Variants in HECW1 observed in about 807,000 individuals in gnomAD.
HECW1 encodes HECT, C2 and WW domain containing E3 ubiquitin protein ligase 1.
HECW1 carries 61 observed loss-of-function variants against 182.3 expected under a neutral mutation model. The ratio of observed to expected loss-of-function variants is 0.33; its 90% CI spans 0.27 to 0.41. The LOEUF is 0.41. Ranked by LOEUF, HECW1 falls within the 10% of genes least tolerant of loss-of-function variation. HECW1 has a pLI of 1.00. For synonymous variants in HECW1, 859 were observed against 832.6 expected (o/e 1.03, Z -0.55); for missense variants, 1,739 against 2,108.9 (o/e 0.82, Z 3.44).
intron 6 of HECW1, among the ~76,000 whole-genome samples, chr7:43,364,048 A>G (rs936791892): frequency 1.3e-5 from 2 of 152,184 alleles, no homozygotes; most frequent in Non-Finnish European, 2.9e-5. Context: ...TTCTAGGTTG[A>G]GGATTGCTGC....
At chr7:43,242,909 G>A (rs1799020384) in intron 2 of HECW1, among the ~76,000 whole-genome samples, 1 of 152,166 alleles carries the variant, frequency 6.6e-6, no homozygotes, top group Non-Finnish European at 1.5e-5. Context: ...CAGGATCTCA[G>A]TACGTAGATG....
At chr7:43,205,527 C>G (rs1795389180) in intron 2 of HECW1, among the ~76,000 whole-genome samples, 1 of 152,094 alleles carries the variant, frequency 6.6e-6, no homozygotes, top group Non-Finnish European at 1.5e-5. Flanking sequence ...TCTTCTAGGC[C>G]AAGGTCAAGG....
rs191694927 is a variant in HECW1 at position 43,326,872 on chromosome 7, G to A, written c.460+6130G>A. Among the ~76,000 whole-genome samples, 15 of 152,326 alleles carry A rather than the reference G, an allele frequency of 9.8e-5. No homozygotes were observed. The East Asian group carries it at 1.2e-3, about 12-fold the overall frequency. On this transcript the variant is annotated intron_variant, in intron 5 of 29. Transcript: ENST00000395891. ...ATTCAGAGCAATGTTTCCCTGCGGC[G>A]AAGCAGCCAGAGCCAGAACAAGCTC...
chr7:43,410,328 C>T (rs1006367365), intron 8 of HECW1, among the ~76,000 whole-genome samples: 7 of 152,118 alleles, frequency 4.6e-5, no homozygotes, highest in East Asian at 1.9e-4. Context: ...TCCATCCACA[C>T]GTTAGAAAGA....
At chr7:43,231,659 C>T (rs1393044481) in intron 2 of HECW1, among the ~76,000 whole-genome samples, 2 of 152,048 alleles carry the variant, frequency 1.3e-5, no homozygotes, top group Non-Finnish European at 2.9e-5. Flanking sequence ...CCTCAGCTGT[C>T]GTCAGCAGGA....
chr7:43,554,502 C>T, intron 28 of HECW1, 90 bp from the exon 29 acceptor site: 1 of 1,149,810 alleles, frequency 8.7e-7, no homozygotes. Context: ...CCGTTCCTAT[C>T]ATACCTGATG....
intron 2 of HECW1, among the ~76,000 whole-genome samples, chr7:43,165,653 T>C (rs1301777404): frequency 1.3e-5 from 2 of 152,210 alleles, no homozygotes; most frequent in Non-Finnish European, 2.9e-5. Context: ...TATCCATACA[T>C]AGGCGTTGTG....
At chr7:43,312,879 A>G (rs929694089) in intron 4 of HECW1, among the ~76,000 whole-genome samples, 1 of 152,254 alleles carries the variant, frequency 6.6e-6, no homozygotes, top group Non-Finnish European at 1.5e-5. Flanking sequence ...AAGTCGAGTT[A>G]TAATTGCTGG....
chr7:43,467,360 A>T (rs7779437), intron 15 of HECW1, among the ~76,000 whole-genome samples: 1 of 151,806 alleles, frequency 6.6e-6, no homozygotes, highest in South Asian at 2.1e-4. Flanking sequence ...GCAGAGGGAC[A>T]TCTGTAGAAA....
chr7:43,295,657 C>T (rs1427546126), intron 3 of HECW1, among the ~76,000 whole-genome samples: 1 of 152,098 alleles, frequency 6.6e-6, no homozygotes, highest in East Asian at 1.9e-4. Context: ...GGGCTGGTGG[C>T]GGCAGTGGAA....
At position 43,250,737 on chromosome 7, in the gene HECW1, G is replaced by A. The variant is rs142191392; in HGVS notation, c.27+6805G>A. 9.2e-3 allele frequency among the ~76,000 whole-genome samples: 1,407 copies of A among 152,156 alleles called. 23 individuals are homozygous for A. Among genetic ancestry groups the A allele is most frequent in the African/African-American group, 0.032 (1,331 of 41,496 alleles). Reference sequence around the variant, plus strand: ...TGCAAGTTTATTTTATTTGGCTGCCGGTGCTTTTTGATTTTTTAGGTTTGA... The same window carrying A: ...TGCAAGTTTATTTTATTTGGCTGCCAGTGCTTTTTGATTTTTTAGGTTTGA... On this transcript the variant is annotated intron_variant, in intron 3 of 29. Coordinates refer to ENST00000395891, the MANE Select transcript of HECW1 (RefSeq NM_015052.5).
chr7:43,394,021 G>A (rs535953107), intron 6 of HECW1, among the ~76,000 whole-genome samples: 2 of 152,118 alleles, frequency 1.3e-5, no homozygotes, highest in East Asian at 3.9e-4. Flanking sequence ...ATTTGGGGTG[G>A]ACATTTTTAA....
intron 2 of HECW1, among the ~76,000 whole-genome samples, chr7:43,127,706 C>T (rs377332424): frequency 6.6e-6 from 1 of 152,022 alleles, no homozygotes; most frequent in East Asian, 1.9e-4. Flanking sequence ...GAGCAAGCTG[C>T]AGAAGAAAAG....
At chr7:43,312,192 A>T in intron 4 of HECW1, 105 bp downstream of exon 4, 1 of 1,054,218 alleles carries the variant, frequency 9.5e-7, no homozygotes, top group East Asian at 2.6e-5. Context: ...CAACTGTGTT[A>T]TATGCCAGAT....
At chr7:43,547,382 A>G (rs2081604681) in intron 26 of HECW1, among the ~76,000 whole-genome samples, 1 of 151,872 alleles carries the variant, frequency 6.6e-6, no homozygotes, top group Non-Finnish European at 1.5e-5. Context: ...CCCCATCTCT[A>G]CTAAAAATAC....
Position 43,239,442 on chromosome 7 carries a change from G to A in HECW1, c.-31-4433G>A, listed in dbSNP as rs192011921. Among the ~76,000 whole-genome samples the A allele has an allele frequency of 7.6e-4, 116 of 152,232 alleles. 1 individual carries two copies. The highest frequency in any genetic ancestry group is 3.5e-3 in the Admixed American group (54 of 15,300). On this transcript the variant is annotated intron_variant, in intron 2 of 29. Transcript: ENST00000395891. ...CATGTACCGGGTTGGTTGGTCTGTCGGCAAATAGTTATTAGATGGCGCACA... is the reference window on the plus strand; with the variant it reads ...CATGTACCGGGTTGGTTGGTCTGTCAGCAAATAGTTATTAGATGGCGCACA...
At chr7:43,162,451 C>T (rs1790644503) in intron 2 of HECW1, among the ~76,000 whole-genome samples, 1 of 152,236 alleles carries the variant, frequency 6.6e-6, no homozygotes, top group Non-Finnish European at 1.5e-5. Context: ...TCTGCCTCCT[C>T]TTCTCTCTGT....
At chr7:43,295,180 GA>G (rs1805883996) in intron 3 of HECW1, among the ~76,000 whole-genome samples, 1 of 152,186 alleles carries the variant, frequency 6.6e-6, no homozygotes, top group South Asian at 2.1e-4. Flanking sequence ...CGTGTGAGCA[GA>G]GGGACGACTT....
At chr7:43,340,588 A>G (rs1174039459) in intron 5 of HECW1, among the ~76,000 whole-genome samples, 8 of 151,672 alleles carry the variant, frequency 5.3e-5, no homozygotes, top group Non-Finnish European at 1.0e-4. Context: ...GGGTGGTGAC[A>G]GTAATCAACA....
Sources: gnomAD v4.1 joint callset for allele counts (sites outside exome capture counted in the v4.1 genomes callset) on GRCh38, gnomAD v4.1.1 for gene constraint, MANE v1.5 for transcripts, NCBI Gene and HGNC (gene_info 2026-07-23, HGNC 2026-07-21) for gene names.